The following DYSF variants were observed in gnomAD, a reference collection of about 807,000 sequenced individuals.
DYSF encodes dysferlin.
DYSF carries 212 observed loss-of-function variants against 274.9 expected under a neutral mutation model. That is an observed-to-expected ratio of 0.77 (90% CI 0.69 to 0.86). The LOEUF is 0.86. DYSF is among the 40% of genes least tolerant of loss of function. The pLI, the probability that DYSF is intolerant of heterozygous loss-of-function variation, is 0.00. For missense variants in DYSF, 2,666 were observed against 2,783.2 expected (o/e 0.96, Z 0.95); for synonymous variants, 1,091 against 1,078.7 (o/e 1.01, Z -0.22).
chr2:71,571,117 TCA>T, intron 29 of DYSF, among the ~76,000 whole-genome samples: 1 of 68,914 alleles, frequency 1.5e-5, no homozygotes, highest in East Asian at 5.1e-4. Context: ...AGCACACAGA[TCA>T]CACCCACAGA....
chr2:71,633,851 G>A (rs905416664), intron 41 of DYSF, among the ~76,000 whole-genome samples: 2 of 152,268 alleles, frequency 1.3e-5, no homozygotes, highest in South Asian at 4.1e-4. Context: ...CCTGCCCCCT[G>A]TCTCCTGCTT....
chr2:71,647,505 T>C (rs558253512), intron 42 of DYSF, among the ~76,000 whole-genome samples: 19 of 152,356 alleles, frequency 1.2e-4, no homozygotes, highest in African/African-American at 4.3e-4. Context: ...TCAGCATTTT[T>C]CCCCTTTTCT....
chr2:71,518,740 A>AGG (rs1285808405), intron 10 of DYSF, among the ~76,000 whole-genome samples: 2 of 152,022 alleles, frequency 1.3e-5, no homozygotes, highest in African/African-American at 4.8e-5. Context: ...ATTTAAAATA[A>AGG]GGGGCTTGGT....
intron 42 of DYSF, among the ~76,000 whole-genome samples, chr2:71,650,105 A>T (rs773238759): frequency 3.9e-4 from 60 of 152,356 alleles, no homozygotes; most frequent in Non-Finnish European, 1.6e-4. Context: ...TACAGGAGAT[A>T]TGAGAAGCAA....
intron 32 of DYSF, among the ~76,000 whole-genome samples, chr2:71,595,646 G>A (rs2093385198): frequency 6.6e-6 from 1 of 152,188 alleles, no homozygotes; most frequent in African/African-American, 2.4e-5. Context: ...TCGTCTGCCT[G>A]AGGCCTGGTG....
intron 8 of DYSF, 34 bp downstream of exon 8, chr2:71,515,785 G>A: frequency 6.2e-7 from 1 of 1,613,316 alleles, no homozygotes; most frequent in Non-Finnish European, 8.5e-7. Context: ...CCAGAACCTT[G>A]GTGGGCCTTC....
Position 71,664,337 on chromosome 2 carries a change from C to T in DYSF, c.5073C>T (p.Leu1691=). Residue 1691 remains leucine (L), a synonymous_variant, in exon 46 of 56, where the codon CTC becomes CTT. Transcript: ENST00000410020. ...AGATCACTCTCTATGACTATGACCTCCTCTCCAAGGACGAAAAGATCGGTG... is the reference window on the plus strand; with the variant it reads ...AGATCACTCTCTATGACTATGACCTTCTCTCCAAGGACGAAAAGATCGGTG... The part of the protein sequence containing the change: ...DLKITLYDYD[L]LSKDEKIGET... 1.2e-6 allele frequency: 2 copies of T among 1,614,224 alleles called. No individual in the cohort carries two copies. Among genetic ancestry groups the T allele is most frequent in the Non-Finnish European group, 1.7e-6 (2 of 1,180,042 alleles).
chr2:71,565,997 CTGTG>C (rs143798407), intron 24 of DYSF, among the ~76,000 whole-genome samples: 156 of 151,800 alleles, frequency 1.0e-3, no homozygotes, highest in Middle Eastern at 6.8e-3. Flanking sequence ...GTGAGTGTGT[CTGTG>C]TGTGTGTGTG....
At chr2:71,576,550 G>C (rs1368813055) in intron 30 of DYSF, 1 of 154,636 alleles carries the variant, frequency 6.5e-6, no homozygotes, top group Non-Finnish European at 1.4e-5. Context: ...GTGGTTGCCA[G>C]GCCGCAGGGC....
At chr2:71,498,986 C>G (rs555355301) in intron 3 of DYSF, among the ~76,000 whole-genome samples, 1 of 152,152 alleles carries the variant, frequency 6.6e-6, no homozygotes, top group East Asian at 1.9e-4. Context: ...GGAGTTTTTA[C>G]GTTTTGTTTT....
intron 41 of DYSF, among the ~76,000 whole-genome samples, chr2:71,631,782 C>T (rs1012080281): frequency 3.3e-5 from 5 of 151,946 alleles, no homozygotes; most frequent in East Asian, 1.9e-4. Flanking sequence ...GCCCTTGGCT[C>T]GGGGCGCCTT....
chr2:71,684,547 C>T (rs918312450), intron 55 of DYSF, among the ~76,000 whole-genome samples: 2 of 152,166 alleles, frequency 1.3e-5, no homozygotes, highest in African/African-American at 4.8e-5. Flanking sequence ...GACATTGAAA[C>T]CAGAGAGTAA....
chr2:71,464,267 A>T (rs1461472878), upstream of DYSF, among the ~76,000 whole-genome samples: 1 of 152,244 alleles, frequency 6.6e-6, no homozygotes, highest in Non-Finnish European at 1.5e-5. Context: ...CATGCTTTGC[A>T]CCAGGTGCTG....
At chr2:71,513,984 A>C (rs1573645251) in intron 7 of DYSF, 63 bp downstream of exon 7, 1 of 1,592,950 alleles carries the variant, frequency 6.3e-7, no homozygotes, top group Non-Finnish European at 8.6e-7. Flanking sequence ...GGTGCCAGGC[A>C]CCTGCCTGGT....
In DYSF at chr2:71,682,682, G is replaced by A. The variant is rs745389166; in HGVS notation, c.6321+5G>A. On this transcript the variant is annotated splice_donor_5th_base_variant and intron_variant, in intron 55 of 55. Transcript: ENST00000410020. Reference sequence around the variant, plus strand: ...ATCTTCATCTACGCCTTCCCGGTGAGCAGGCCTGACGACACTGTGGTGGGG... The same window carrying A: ...ATCTTCATCTACGCCTTCCCGGTGAACAGGCCTGACGACACTGTGGTGGGG... 2 of 1,613,456 alleles carry A rather than the reference G, an allele frequency of 1.2e-6. No individual in the cohort carries two copies. Among genetic ancestry groups the A allele is most frequent in the East Asian group, 2.2e-5 (1 of 44,836 alleles).
At chr2:71,649,735 A>G (rs2094624614) in intron 42 of DYSF, among the ~76,000 whole-genome samples, 2 of 152,246 alleles carry the variant, frequency 1.3e-5, no homozygotes, top group Admixed American at 6.5e-5. Context: ...ACATTACATG[A>G]CTATATAATT....
At chr2:71,478,191 A>G (rs1400725961) in intron 1 of DYSF, among the ~76,000 whole-genome samples, 3 of 151,918 alleles carry the variant, frequency 2.0e-5, no homozygotes, top group African/African-American at 7.3e-5. Flanking sequence ...CCTAAATAAA[A>G]GCTCTTTGGC....
intron 3 of DYSF, among the ~76,000 whole-genome samples, chr2:71,483,266 C>T (rs984527001): frequency 2.0e-5 from 3 of 152,036 alleles, no homozygotes; most frequent in African/African-American, 4.8e-5. Context: ...TCCACCTGCA[C>T]GGGGGACAGG....
chr2:71,616,134 A>G (rs2093878225), intron 40 of DYSF, among the ~76,000 whole-genome samples: 1 of 152,172 alleles, frequency 6.6e-6, no homozygotes. Flanking sequence ...TGTTCAGGCC[A>G]TGGGCTGGCA....
Sources: gnomAD v4.1 joint callset for allele counts (sites outside exome capture counted in the v4.1 genomes callset) on GRCh38, gnomAD v4.1.1 for gene constraint, MANE v1.5 for transcripts, NCBI Gene and HGNC (gene_info 2026-07-23, HGNC 2026-07-21) for gene names.